Variants in WBP4 observed in about 807,000 individuals in gnomAD.
The protein encoded by WBP4 is WW domain binding protein 4.
In WBP4, 37 loss-of-function variants were observed where a neutral mutation model predicts 55.4. The observed-to-expected ratio is 0.67, with a 90% confidence interval of 0.51 to 0.88. The LOEUF (loss-of-function observed/expected upper bound fraction) is 0.88, where lower values mean the gene tolerates loss of function less well. Among genes scored for constraint, WBP4 ranks in the 40% least tolerant of loss-of-function variants. WBP4 has a pLI of 0.00. For missense variants in WBP4, 398 were observed against 420.8 expected (o/e 0.95, Z 0.47); for synonymous variants, 142 against 140.2 (o/e 1.01, Z -0.09).
rs566726264 is a variant in WBP4 at position 41,068,276 on chromosome 13, T to C, written c.263-285T>C. Among the ~76,000 whole-genome samples, 3 of 152,332 alleles carry C rather than the reference T, an allele frequency of 2.0e-5. No individual in the cohort carries two copies. The South Asian group carries it at 6.2e-4, about 32-fold the overall frequency. ...TATCTGGACTATTTTGTTTCAATTA[T>C]ATGCTTGCCTATTTCTATGTCAGTT... On this transcript the variant is annotated intron_variant, in intron 4 of 9. Transcript: ENST00000379487.
chr13:41,077,065 C>T (rs1353022871), intron 8 of WBP4, among the ~76,000 whole-genome samples: 1 of 152,056 alleles, frequency 6.6e-6, no homozygotes, highest in African/African-American at 2.4e-5. Context: ...ATGCAAAAAC[C>T]TTCAACAAAA....
intron 4 of WBP4, among the ~76,000 whole-genome samples, chr13:41,068,238 G>A (rs555653683): frequency 6.6e-6 from 1 of 152,182 alleles, no homozygotes; most frequent in African/African-American, 2.4e-5. Context: ...CAGCCAACCT[G>A]AAGTTGGCTC....
At chr13:41,075,472 C>T (rs980266320) in intron 7 of WBP4, among the ~76,000 whole-genome samples, 2 of 152,130 alleles carry the variant, frequency 1.3e-5, no homozygotes, top group Non-Finnish European at 2.9e-5. Context: ...GCCTCTATTT[C>T]CTGGGCTCAA....
At chr13:41,064,990 T>A in intron 2 of WBP4, 26 bp from the exon 3 acceptor site, 1 of 1,534,428 alleles carries the variant, frequency 6.5e-7, no homozygotes. Context: ...AGTTTTCTTT[T>A]GTTATTTTCT....
At position 41,062,640 on chromosome 13, in the gene WBP4, T is replaced by G. The variant is rs1389893958; in HGVS notation, c.3-4T>G. On this transcript the variant is annotated splice_polypyrimidine_tract_variant and splice_region_variant and intron_variant, in intron 1 of 9. Coordinates refer to ENST00000379487, the MANE Select transcript of WBP4 (RefSeq NM_007187.5). ...AGCTTAGCCTTGTTGTCTCTCTTTT[T>G]CAGGGCGGACTACTGGAAGTCACAG... 2.3e-5 allele frequency: 37 copies of G among 1,613,380 alleles called. No individual in the cohort carries two copies. Among genetic ancestry groups the G allele is most frequent in the Non-Finnish European group, 3.1e-5 (37 of 1,179,684 alleles).
intron 7 of WBP4, among the ~76,000 whole-genome samples, chr13:41,075,428 C>T (rs1878436929): frequency 6.6e-6 from 1 of 152,146 alleles, no homozygotes; most frequent in African/African-American, 2.4e-5. Flanking sequence ...GTCCCCCAGA[C>T]TGGAGTGCAG....
intron 1 of WBP4, 131 bp downstream of exon 1, chr13:41,061,806 G>A: frequency 1.4e-6 from 2 of 1,466,216 alleles, no homozygotes; most frequent in Non-Finnish European, 1.9e-6. Flanking sequence ...AACTCGCTCG[G>A]GACCGGCCCC....
chr13:41,069,739 G>A (rs1283040520), intron 5 of WBP4, among the ~76,000 whole-genome samples: 2 of 147,798 alleles, frequency 1.4e-5, no homozygotes, highest in East Asian at 2.0e-4. Flanking sequence ...GTAGCCAAGC[G>A]AGGTGGCTCA....
At chr13:41,076,671 C>T (rs1442913862) in intron 8 of WBP4, among the ~76,000 whole-genome samples, 1 of 152,046 alleles carries the variant, frequency 6.6e-6, no homozygotes, top group Non-Finnish European at 1.5e-5. Context: ...TAAATAAAAC[C>T]GGGAACACTC....
chr13:41,068,921 CTAAG>C (rs1349148851), intron 5 of WBP4, among the ~76,000 whole-genome samples, 184 bp downstream of exon 5: 1 of 152,130 alleles, frequency 6.6e-6, no homozygotes, highest in Non-Finnish European at 1.5e-5. Context: ...CTCATAGTGA[CTAAG>C]TGTCATACTT....
intron 2 of WBP4, among the ~76,000 whole-genome samples, chr13:41,064,279 A>G (rs1278370860): frequency 1.3e-5 from 2 of 152,128 alleles, no homozygotes; most frequent in East Asian, 1.9e-4. Flanking sequence ...AGAATGTACC[A>G]TAGTTTAACC....
chr13:41,063,979 C>T (rs1877826697), intron 2 of WBP4, among the ~76,000 whole-genome samples: 1 of 151,594 alleles, frequency 6.6e-6, no homozygotes, highest in Non-Finnish European at 1.5e-5. Context: ...ATTTAGGGAG[C>T]ATTTCTGATT....
intron 4 of WBP4, among the ~76,000 whole-genome samples, chr13:41,067,387 T>C (rs1878021227): frequency 6.6e-6 from 1 of 152,200 alleles, no homozygotes; most frequent in African/African-American, 2.4e-5. Context: ...TTAGCAAAAG[T>C]AAATGTTAAT....
rs770180620 is a variant in WBP4, at chr13:41,065,288, G to GT, written c.262+2dup. 5.1e-6 allele frequency: 6 copies of GT among 1,172,576 alleles called. No individual in the cohort carries two copies. The African/African-American group carries it at 7.6e-5, about 15-fold the overall frequency. The allele number at this position is 1,172,576 out of a possible 1,614,324, so 72.6% of individuals were successfully genotyped here. ...TTGAAAAGACTTGGCTTAGAGTCAG[G>GT]TAAAAAAAAAAAAAAAAAAAAAGCA... On this transcript the variant is annotated splice_donor_variant, in intron 4 of 9. Coordinates refer to ENST00000379487, the MANE Select transcript of WBP4 (RefSeq NM_007187.5). LOFTEE classifies it high-confidence loss of function.
At chr13:41,064,950 T>C (rs1224131721) in intron 2 of WBP4, 66 bp from the exon 3 acceptor site, 3 of 1,359,220 alleles carry the variant, frequency 2.2e-6, no homozygotes, top group Non-Finnish European at 3.0e-6. Flanking sequence ...GAGAAAATTA[T>C]GTTTACTATG....
At position 41,062,866 on chromosome 13, in the gene WBP4, A is replaced by T. The variant is rs193070417; in HGVS notation, c.75+150A>T. ...AAGATTTCTGTCTTCTCAGTCCCCT[A>T]TGAAAGCTGTGAGCCTTCTTCCTTT... On this transcript the variant is annotated intron_variant, in intron 2 of 9. Transcript: ENST00000379487. The T allele has an allele frequency of 3.7e-5, 21 of 572,616 alleles. No individual in the cohort carries two copies. In the South Asian group the frequency reaches 6.0e-4, roughly 16 times the overall value. 35.5% of individuals were successfully genotyped at this position (572,616 alleles called of 1,614,324 possible). A position where few individuals can be genotyped will look rare whatever the true frequency, so the allele number is the denominator to read the frequency against.
Position 41,076,269 on chromosome 13 carries a change from A to ATTTTTT in WBP4, c.756+55_756+60dup, listed in dbSNP as rs35695477. On this transcript the variant is annotated intron_variant, in intron 8 of 9. Coordinates refer to ENST00000379487, the MANE Select transcript of WBP4 (RefSeq NM_007187.5). ...TTTTAAATTTTACTCTTCACATCAA[A>ATTTTTT]TTTTTTTTTTTTTTTTTTTTTTTTT... 4.9e-5 allele frequency: 33 copies of ATTTTTT among 678,756 alleles called. No individual in the cohort carries two copies. In the East Asian group the frequency reaches 7.2e-4, roughly 15 times the overall value. The allele number at this position is 678,756 out of a possible 1,614,324, so 42.0% of individuals were successfully genotyped here.
In WBP4 at chr13:41,075,216, ATT is replaced by A. The variant is rs572895507; in HGVS notation, c.563-827_563-826del. ...TAATTACAAGGTAATTAGAAATATT[ATT>A]GTTTTACTAAAAGCCCAATGAACCA... is the stretch of plus-strand genomic sequence containing the variant. On this transcript the variant is annotated intron_variant, in intron 7 of 9. Transcript: ENST00000379487. 6.6e-5 allele frequency among the ~76,000 whole-genome samples: 10 copies of A among 152,246 alleles called. No individual in the cohort carries two copies. In the South Asian group the frequency reaches 2.1e-3, roughly 32 times the overall value.
chr13:41,067,470 C>T (rs1295917411), intron 4 of WBP4, among the ~76,000 whole-genome samples: 1 of 152,060 alleles, frequency 6.6e-6, no homozygotes, highest in Non-Finnish European at 1.5e-5. Context: ...TGTTTGAGCC[C>T]AGGAGTTCAA....
Sources: allele counts gnomAD v4.1 joint callset (sites outside exome capture counted in the v4.1 genomes callset), GRCh38; gene constraint gnomAD v4.1.1; transcripts MANE v1.5; gene names NCBI Gene and HGNC (gene_info 2026-07-23, HGNC 2026-07-21).